RAD54L: variants seen among roughly 807,000 people sequenced by gnomAD.
RAD54L encodes DNA repair and recombination protein RAD54-like.
A neutral mutation model predicts 91.6 loss-of-function variants in RAD54L; 74 were observed. That is an observed-to-expected ratio of 0.81 (90% confidence interval 0.67 to 0.98). The LOEUF is 0.98. Ranked by LOEUF, RAD54L falls within the 50% of genes least tolerant of loss-of-function variation. The pLI, the probability that RAD54L is intolerant of heterozygous loss-of-function variation, is 0.00. For synonymous variants in RAD54L, 304 were observed against 349.7 expected (o/e 0.87, Z 1.46); for missense variants, 887 against 945.7 (o/e 0.94, Z 0.81).
chr1:46,248,475 G>T (rs1659710059), intron 1 of RAD54L, 37 bp from the exon 2 acceptor site: 1 of 1,613,922 alleles, frequency 6.2e-7, no homozygotes, highest in African/African-American at 1.3e-5. Flanking sequence ...TAGGCTGCAG[G>T]ATCCTTGCAG....
chr1:46,250,152 C>A (rs780622637), intron 3 of RAD54L, 33 bp downstream of exon 3: 2 of 1,613,628 alleles, frequency 1.2e-6, no homozygotes, highest in South Asian at 2.2e-5. Flanking sequence ...ATGTGTATGT[C>A]TGTGCCCAGT....
rs542281051 is a variant in RAD54L at position 46,264,375 on chromosome 1, A to G, written c.891+2990A>G. ...TCAGGCTTTCATGTTCTCAGCTCCC[A>G]CAGCATCTTCCTCCCAGTAACGCTT... On this transcript the variant is annotated intron_variant, in intron 8 of 17. Coordinates refer to ENST00000371975, the MANE Select transcript of RAD54L (RefSeq NM_003579.4). Among the ~76,000 whole-genome samples the G allele has an allele frequency of 1.7e-3, 260 of 152,328 alleles. 1 individual carries two copies. Among genetic ancestry groups the G allele is most frequent in the Non-Finnish European group, 3.1e-3 (210 of 68,034 alleles).
In RAD54L at chr1:46,267,552, C is replaced by T. The variant is rs2148295096; in HGVS notation, c.985C>T (p.Gln329Ter). ...GGTGCTCATCTCCGGAACTCCCATCCAGAATGATCTGCTTGAGTATTTCAG... is the reference window on the plus strand; with the variant it reads ...GGTGCTCATCTCCGGAACTCCCATCTAGAATGATCTGCTTGAGTATTTCAG... ...RRVLISGTPI[Q>*]NDLLEYFSLV... The change falls in exon 9 of 18, where the codon CAG becomes TAG. Residue 329 changes from glutamine to a stop codon, truncating the protein, a stop_gained. Coordinates refer to ENST00000371975, the MANE Select transcript of RAD54L (RefSeq NM_003579.4). LOFTEE classifies it high-confidence loss of function. 1 of 1,613,522 alleles carries T rather than the reference C, an allele frequency of 6.2e-7. No individual in the cohort carries two copies. The highest frequency in any genetic ancestry group is 8.5e-7 in the Non-Finnish European group (1 of 1,179,470).
At chr1:46,266,985 GC>G (rs1660283098) in intron 8 of RAD54L, among the ~76,000 whole-genome samples, 1 of 152,136 alleles carries the variant, frequency 6.6e-6, no homozygotes, top group Non-Finnish European at 1.5e-5. Flanking sequence ...CTCTCATGCT[GC>G]CCCCTGCCTA....
intron 9 of RAD54L, 127 bp from the exon 10 acceptor site, chr1:46,270,531 GC>G: frequency 2.5e-6 from 3 of 1,222,524 alleles, no homozygotes; most frequent in Non-Finnish European, 3.5e-6. Flanking sequence ...ACAGAAATTG[GC>G]CTATATTTTG....
intron 9 of RAD54L, among the ~76,000 whole-genome samples, chr1:46,269,360 A>G (rs1486921883): frequency 6.6e-6 from 1 of 150,688 alleles, no homozygotes; most frequent in Admixed American, 6.6e-5. Flanking sequence ...CCAGGCTGGA[A>G]TGCAGTGGTG....
chr1:46,256,733 TATGTTATTTAGTGTGATGTTGTC>T (rs1356462962), intron 3 of RAD54L, among the ~76,000 whole-genome samples: 1 of 152,228 alleles, frequency 6.6e-6, no homozygotes, highest in African/African-American at 2.4e-5. Context: ...GCCTTTATGT[TATGTTATTTAGTGTGATGTTGTC>T]ATGTTATTTA....
intron 3 of RAD54L, among the ~76,000 whole-genome samples, chr1:46,254,717 G>A (rs1394976958): frequency 6.6e-6 from 1 of 151,788 alleles, no homozygotes; most frequent in African/African-American, 2.4e-5. Context: ...CTCTGGAGTA[G>A]CTAGGACCAC....
chr1:46,262,750 A>C (rs575040914), intron 8 of RAD54L, among the ~76,000 whole-genome samples: 15 of 152,228 alleles, frequency 9.9e-5, no homozygotes, highest in Non-Finnish European at 2.1e-4. Flanking sequence ...GTTTAGGAAC[A>C]AAAGGAAAGA....
At chr1:46,261,106 A>G (rs1660105842) in intron 7 of RAD54L, 91 bp downstream of exon 7, 1 of 1,547,574 alleles carries the variant, frequency 6.5e-7, no homozygotes. Flanking sequence ...GTGGAGGGCA[A>G]TGCAGGGGTA....
intron 8 of RAD54L, among the ~76,000 whole-genome samples, chr1:46,267,164 A>C (rs969039320): frequency 6.6e-6 from 1 of 152,198 alleles, no homozygotes; most frequent in Non-Finnish European, 1.5e-5. Flanking sequence ...CCTGGACTCA[A>C]GCGATCTTCC....
At chr1:46,264,666 C>T (rs538599582) in intron 8 of RAD54L, among the ~76,000 whole-genome samples, 13 of 152,378 alleles carry the variant, frequency 8.5e-5, no homozygotes, top group African/African-American at 3.1e-4. Context: ...TCATCTCAAT[C>T]TTAAAGATTA....
In RAD54L at chr1:46,260,078, A is replaced by T. The variant is rs775760820; in HGVS notation, c.386A>T (p.His129Leu). The T allele has an allele frequency of 3.7e-6, 6 of 1,614,122 alleles. No homozygotes were observed. The East Asian group carries it at 1.1e-4, about 30-fold the overall frequency. Residue 129 changes from histidine (H) to leucine (L), a missense_variant, in exon 5 of 18, where the codon CAT becomes CTT. His to Leu is a moderately conservative substitution (Grantham distance 99). Transcript: ENST00000371975. Reference protein sequence around the residue: ...VLYEPPPLSAHDQLKLDKEKL... With the variant: ...VLYEPPPLSALDQLKLDKEKL... Reference sequence around the variant, plus strand: ...TATGAGCCTCCCCCGCTGAGCGCTCATGACCAGCTGAAGCTTGACAAGTAT... The same window carrying T: ...TATGAGCCTCCCCCGCTGAGCGCTCTTGACCAGCTGAAGCTTGACAAGTAT...
chr1:46,278,344 C>A lies in RAD54L; in HGVS notation c.*62C>A. The A allele has an allele frequency of 6.7e-7, 1 of 1,498,184 alleles. No individual in the cohort carries two copies. The highest frequency in any genetic ancestry group is 1.2e-5 in the South Asian group (1 of 83,224). The allele number at this position is 1,498,184 out of a possible 1,614,324, so 92.8% of individuals were successfully genotyped here. A position where few individuals can be genotyped will look rare whatever the true frequency, so the allele number is the denominator to read the frequency against. ...AGATAGGGAAAAGGGGCTCCTTGCT[C>A]CACAGGGCCCTGTTGAATTTTGTTC... On this transcript the variant is annotated 3_prime_UTR_variant, in exon 18 of 18. Transcript: ENST00000371975.
At chr1:46,275,730 A>T (rs917684580) in intron 16 of RAD54L, among the ~76,000 whole-genome samples, 2 of 152,122 alleles carry the variant, frequency 1.3e-5, no homozygotes, top group Non-Finnish European at 2.9e-5. Flanking sequence ...CAGACTCCTT[A>T]TACCACTGAA....
Position 46,248,592 on chromosome 1 carries a change from C to T in RAD54L, c.84C>T (p.Gly28=), listed in dbSNP as rs750174954. 2.5e-6 allele frequency: 4 copies of T among 1,614,046 alleles called. No homozygotes were observed. In the South Asian group the frequency reaches 3.3e-5, roughly 13 times the overall value. ...RSCDDEDWQP[G]LVTPRKRKSS... ...GTGATGATGAAGACTGGCAACCTGG[C>T]CTAGTGGTGAGCACTCAAGGGGACA... Residue 28 remains glycine, a synonymous_variant, in exon 2 of 18, where the codon GGC becomes GGT. Transcript: ENST00000371975.
chr1:46,275,914 G>A (rs1482033130), intron 16 of RAD54L, among the ~76,000 whole-genome samples: 1 of 151,362 alleles, frequency 6.6e-6, no homozygotes, highest in Non-Finnish European at 1.5e-5. Context: ...AGCTAGGATT[G>A]TGCCACTCTA....
Position 46,261,376 on chromosome 1 carries a change from A to G in RAD54L, c.882A>G (p.Ile294Met), listed in dbSNP as rs780830430. ...VLQKGSVGLV[I>M]CDEGHRLKNS... is the part of the protein sequence containing the mutation. ...AGAAAGGAAGTGTTGGTCTGGTCATATGTGACGAGGTACTTGACTCTCAGC... is the reference window on the plus strand; with the variant it reads ...AGAAAGGAAGTGTTGGTCTGGTCATGTGTGACGAGGTACTTGACTCTCAGC... The change falls in exon 8 of 18, where the codon ATA (isoleucine) becomes ATG (methionine). Residue 294 changes from isoleucine (I) to methionine (M), a missense_variant. Transcript: ENST00000371975. 1.2e-6 allele frequency: 2 copies of G among 1,613,964 alleles called. No individual in the cohort carries two copies. Among genetic ancestry groups the G allele is most frequent in the Non-Finnish European group, 8.5e-7 (1 of 1,180,014 alleles).
Position 46,248,216 on chromosome 1 carries a change from C to T in RAD54L, c.-190C>T. 2.7e-6 allele frequency: 2 copies of T among 738,518 alleles called. No individual in the cohort carries two copies. Among genetic ancestry groups the T allele is most frequent in the Non-Finnish European group, 2.4e-6 (1 of 416,882 alleles). The allele number at this position is 738,518 out of a possible 1,614,324, so 45.7% of individuals were successfully genotyped here. On this transcript the variant is annotated 5_prime_UTR_variant, in exon 1 of 18. Transcript: ENST00000371975. ...TCGGCTTATTGGGGACGGCCACTCT[C>T]ACAGTTTGGTTCCAAACACCAGTTC...
Sources: allele counts gnomAD v4.1 joint callset (sites outside exome capture counted in the v4.1 genomes callset), GRCh38; gene constraint gnomAD v4.1.1; transcripts MANE v1.5; gene names NCBI Gene and HGNC (gene_info 2026-07-23, HGNC 2026-07-21).